The following MYO5C variants were observed in gnomAD, a reference collection of about 807,000 sequenced individuals.
MYO5C encodes the protein myosin VC.
Under a neutral mutation model 235.7 loss-of-function variants are expected in MYO5C, and 194 were observed. That is an observed-to-expected ratio of 0.82 (90% CI 0.73 to 0.93). The LOEUF (loss-of-function observed/expected upper bound fraction) is 0.93. Ranked by LOEUF, MYO5C falls within the 40% of genes least tolerant of loss-of-function variation. The probability of loss-of-function intolerance (pLI) is 0.00; values close to 1 mark genes in which losing one functional copy is unlikely to be tolerated. For synonymous variants in MYO5C, 707 were observed against 754.8 expected, an observed-to-expected ratio of 0.94 and a Z score of 1.04; for missense variants, 2,038 against 2,127.2, an observed-to-expected ratio of 0.96 and a Z score of 0.82.
At position 52,225,097 on chromosome 15, in the gene MYO5C, C is replaced by A; in HGVS notation, c.3343G>T (p.Asp1115Tyr). ...EITKQLLESY[D>Y]IEDVRSRLSV... is the part of the protein sequence containing the mutation. The stretch of plus-strand genomic sequence containing the variant: ...TACCTGCTTCTTACATCTTCAATGT[C>A]ATAGCTTTCGAGAAGTTGTTTGGTG... The change falls in exon 27 of 41, where the codon GAC (aspartate) becomes TAC (tyrosine). Residue 1115 changes from aspartate to tyrosine, a missense_variant. By Grantham distance (160) the Asp-to-Tyr change is radical. Transcript: ENST00000261839. 6.2e-7 allele frequency: 1 copy of A among 1,614,078 alleles called. No individual in the cohort carries two copies. Among genetic ancestry groups the A allele is most frequent in the Non-Finnish European group, 8.5e-7 (1 of 1,179,990 alleles).
In MYO5C at chr15:52,270,196, C is replaced by G. The variant is rs539416782; in HGVS notation, c.833-336G>C. On this transcript the variant is annotated intron_variant, in intron 7 of 40. Transcript: ENST00000261839. ...ATTCAGGAGGCTGACGTGGGAGGAT[C>G]ACTTGAGCCCAGGAGTTCGAGGCTG... 6.6e-5 allele frequency among the ~76,000 whole-genome samples: 10 copies of G among 152,276 alleles called. No homozygotes were observed. The South Asian group carries it at 2.1e-3, about 32-fold the overall frequency.
At chr15:52,256,594 C>CGCGCGCGT (rs756003028) in intron 11 of MYO5C, 45 bp downstream of exon 11, 3 of 1,469,794 alleles carry the variant, frequency 2.0e-6, no homozygotes, top group Non-Finnish European at 2.8e-6. Context: ...CACACGCGCG[C>CGCGCGCGT]GCGCGCGGCT....
intron 1 of MYO5C, among the ~76,000 whole-genome samples, 193 bp from the exon 2 acceptor site, chr15:52,283,085 G>C (rs768768229): frequency 6.6e-6 from 1 of 152,092 alleles, no homozygotes; most frequent in Non-Finnish European, 1.5e-5. Context: ...TCAGTTTACA[G>C]GCAACAGAAC....
At chr15:52,291,731 G>GTTTTTTTTTTT (rs1196328559) in intron 1 of MYO5C, among the ~76,000 whole-genome samples, 723 of 52,536 alleles carry the variant, frequency 0.014, 191 homozygotes, top group Non-Finnish European at 0.018. Context: ...CATATTTTAT[G>GTTTTTTTTTTT]TTTTTTTTTT....
chr15:52,216,227 T>G (rs34212289), intron 32 of MYO5C, among the ~76,000 whole-genome samples: 14,973 of 152,170 alleles, frequency 0.098, 1,447 homozygotes, highest in East Asian at 0.48. Context: ...AGTAGTAGTA[T>G]TTTTAGAGAC....
intron 23 of MYO5C, among the ~76,000 whole-genome samples, chr15:52,233,515 C>G (rs80120789): frequency 5.6e-4 from 86 of 152,282 alleles, no homozygotes; most frequent in African/African-American, 2.0e-3. Flanking sequence ...TTGTGACAAC[C>G]CAAATTGTTT....
At chr15:52,256,520 A>T in intron 11 of MYO5C, 119 bp downstream of exon 11, 1 of 699,978 alleles carries the variant, frequency 1.4e-6, no homozygotes, top group Non-Finnish European at 2.5e-6. Context: ...CTCCTTGCAT[A>T]AAAATTTGCA....
At chr15:52,277,251 T>C (rs553572417) in intron 4 of MYO5C, 11 of 528,200 alleles carry the variant, frequency 2.1e-5, no homozygotes, top group Admixed American at 1.2e-4. Context: ...CGTTCTGTTA[T>C]GGCAGTTACA....
chr15:52,213,404 A>G (rs2035492496), intron 33 of MYO5C, 118 bp from the exon 34 acceptor site: 2 of 693,056 alleles, frequency 2.9e-6, no homozygotes, highest in Admixed American at 2.2e-5. Context: ...TGTGGCTTTC[A>G]GATACATTAA....
intron 32 of MYO5C, among the ~76,000 whole-genome samples, chr15:52,215,686 C>T (rs1361363591): frequency 6.6e-6 from 1 of 152,174 alleles, no homozygotes; most frequent in African/African-American, 2.4e-5. Context: ...CCCATCAACC[C>T]ATAACCCAGA....
chr15:52,252,427 A>C (rs1008613518), intron 12 of MYO5C, among the ~76,000 whole-genome samples: 2 of 151,454 alleles, frequency 1.3e-5, no homozygotes, highest in African/African-American at 4.8e-5. Context: ...GCGAAATTTG[A>C]TCTTGATACA....
chr15:52,241,297 T>C (rs1358522241), intron 20 of MYO5C, among the ~76,000 whole-genome samples: 5 of 119,934 alleles, frequency 4.2e-5, no homozygotes, highest in Admixed American at 1.2e-4. Context: ...TCTCACTCTG[T>C]CACCCAGGCT....
chr15:52,245,868 ACAAAAATCATGG>A, intron 17 of MYO5C, 76 bp downstream of exon 17: 1 of 1,261,122 alleles, frequency 7.9e-7, no homozygotes, highest in Non-Finnish European at 1.1e-6. Context: ...AAAGTATGTG[ACAAAAATCATGG>A]CAGCCATGTC....
In MYO5C at chr15:52,275,608, T is replaced by C. The variant is rs1454117361; in HGVS notation, c.560A>G (p.Asn187Ser). ...YFATVSKSGS[N>S]AHVEDKVLAS... ...CAGGACCTTGTCTTCCACGTGAGCG[T>C]TGCTGCCCGATTTGCTGACGGTGGC... Residue 187 changes from asparagine to serine, a missense_variant, in exon 5 of 41, where the codon AAC (asparagine) becomes AGC (serine). Asn to Ser is a conservative substitution (Grantham distance 46). Coordinates refer to ENST00000261839, the MANE Select transcript of MYO5C (RefSeq NM_018728.4). 3 of 1,614,224 alleles carry C rather than the reference T, an allele frequency of 1.9e-6. No homozygotes were observed. The Admixed American group carries it at 5.0e-5, about 27-fold the overall frequency.
Position 52,269,821 on chromosome 15 carries a change from T to C in MYO5C, c.872A>G (p.Asn291Ser), listed in dbSNP as rs766184791. ...EEFNYTRMGG[N>S]TVIEGVNDRA... ...ATCATTCACACCCTCAATGACAGTA[T>C]TGCCTCCCATTCTTGTATAATTAAA... The change falls in exon 8 of 41, where the codon AAT becomes AGT. Residue 291 changes from asparagine (N) to serine (S), a missense_variant. Physicochemically the swap from Asn to Ser is conservative, Grantham distance 46. Transcript: ENST00000261839. 36 of 1,613,864 alleles carry C rather than the reference T, an allele frequency of 2.2e-5. No homozygotes were observed. Among genetic ancestry groups the C allele is most frequent in the South Asian group, 1.1e-4 (10 of 91,064 alleles).
chr15:52,218,538 CG>C lies in MYO5C; in HGVS notation c.3934del (p.Arg1312GlyfsTer13), dbSNP rs1288101433. ...TCTCACCCTGTTTTCCAAAGTGAGCCGGGATGCTTCCTGCCGGAAGTTACAC... is the reference window on the plus strand; with the variant it reads ...TCTCACCCTGTTTTCCAAAGTGAGCCGGATGCTTCCTGCCGGAAGTTACAC... ...VKCNFRQEAS[R>X]LTLENRDLEE... is the part of the protein sequence containing the mutation. On this transcript the variant is annotated frameshift_variant, in exon 32 of 41. Transcript: ENST00000261839. LOFTEE classifies it high-confidence loss of function. 4 of 1,614,048 alleles carry C rather than the reference CG, an allele frequency of 2.5e-6. No individual in the cohort carries two copies. Among genetic ancestry groups the C allele is most frequent in the Admixed American group, 1.7e-5 (1 of 59,998 alleles).
At chr15:52,295,512 C>CGCAGGTGTG (rs1338116237) in intron 1 of MYO5C, 98 bp downstream of exon 1, 7 of 1,372,670 alleles carry the variant, frequency 5.1e-6, no homozygotes, top group East Asian at 3.1e-5. Context: ...GTGTCAGGTG[C>CGCAGGTGTG]GCAGGTGTGG....
intron 30 of MYO5C, 87 bp from the exon 31 acceptor site, chr15:52,219,909 G>C (rs1182324423): frequency 1.4e-5 from 14 of 974,586 alleles, no homozygotes; most frequent in Non-Finnish European, 2.1e-5. Flanking sequence ...AATTTTTAGA[G>C]GTCCTAAACT....
chr15:52,229,610 T>G (rs1294712530), intron 24 of MYO5C, among the ~76,000 whole-genome samples: 2 of 152,062 alleles, frequency 1.3e-5, no homozygotes, highest in Non-Finnish European at 2.9e-5. Context: ...GGTGACAGAG[T>G]GAGACCCTCC....
Sources: allele counts gnomAD v4.1 joint callset (sites outside exome capture counted in the v4.1 genomes callset), GRCh38; gene constraint gnomAD v4.1.1; transcripts MANE v1.5; gene names NCBI Gene and HGNC (gene_info 2026-07-23, HGNC 2026-07-21).